Variants in PCDHA8 observed in about 807,000 individuals in gnomAD.
PCDHA8 encodes the protein protocadherin alpha-8.
In PCDHA8, 53 loss-of-function variants were observed where a neutral mutation model predicts 61.8. That is an observed-to-expected ratio of 0.86 (90% CI 0.69 to 1.08). The LOEUF (loss-of-function observed/expected upper bound fraction) is 1.08. PCDHA8 is among the 50% of genes least tolerant of loss of function. PCDHA8 has a pLI of 0.00. For synonymous variants in PCDHA8, 618 were observed against 556.6 expected, an observed-to-expected ratio of 1.11 and a Z score of -1.55; for missense variants, 1,293 against 1,245.0, an observed-to-expected ratio of 1.04 and a Z score of -0.58.
intron 1 of PCDHA8, chr5:140,850,371 C>T (rs1386017704): frequency 1.9e-6 from 3 of 1,597,910 alleles, no homozygotes; most frequent in Non-Finnish European, 2.6e-6. Flanking sequence ...CCGCGTGGGG[C>T]TGTACACGGG....
intron 1 of PCDHA8, chr5:140,850,313 G>C (rs113332257): frequency 1.3e-6 from 2 of 1,597,364 alleles, no homozygotes; most frequent in African/African-American, 1.3e-5. Context: ...ACAACGCGTG[G>C]CTTTCATACG....
intron 1 of PCDHA8, chr5:140,871,730 T>C: frequency 2.8e-6 from 2 of 714,038 alleles, no homozygotes; most frequent in Middle Eastern, 4.1e-4. Flanking sequence ...TAATATTTGG[T>C]TAGCAAATCC....
At chr5:140,967,872 A>C (rs2096192784) in intron 1 of PCDHA8, 2 of 1,614,034 alleles carry the variant, frequency 1.2e-6, no homozygotes, top group Non-Finnish European at 1.7e-6. Context: ...GTGCTCACGG[A>C]CCTGTATAGC....
At chr5:140,952,746 T>C (rs1554220596) in intron 1 of PCDHA8, among the ~76,000 whole-genome samples, 1 of 152,190 alleles carries the variant, frequency 6.6e-6, no homozygotes, top group Non-Finnish European at 1.5e-5. Context: ...CACACTGCTA[T>C]AAAAACACCT....
At chr5:140,966,233 C>T (rs1554228161) in intron 1 of PCDHA8, 1 of 287,374 alleles carries the variant, frequency 3.5e-6, no homozygotes, top group Non-Finnish European at 6.4e-6. Flanking sequence ...CCTTAAAGAC[C>T]CGTTAAGCAG....
At chr5:140,948,897 T>G (rs1487067374) in intron 1 of PCDHA8, among the ~76,000 whole-genome samples, 4 of 151,680 alleles carry the variant, frequency 2.6e-5, no homozygotes, top group Non-Finnish European at 5.9e-5. Flanking sequence ...AGATTTTAAG[T>G]GGATTCTTAG....
At chr5:140,863,749 G>C (rs1346198553) in intron 1 of PCDHA8, 1 of 245,376 alleles carries the variant, frequency 4.1e-6, no homozygotes, top group Non-Finnish European at 8.0e-6. Flanking sequence ...TTGTAATCCC[G>C]GCACTTTGGG....
At chr5:140,893,879 G>A (rs747246517) in intron 1 of PCDHA8, among the ~76,000 whole-genome samples, 26 of 152,060 alleles carry the variant, frequency 1.7e-4, no homozygotes, top group Admixed American at 4.6e-4. Flanking sequence ...GATCCAAAGT[G>A]GCCAGAAAGT....
Position 140,917,329 on chromosome 5 carries a change from G to GT in PCDHA8, c.2395-61620_2395-61619insT, listed in dbSNP as rs1563018868. On this transcript the variant is annotated intron_variant, in intron 1 of 3. Coordinates refer to ENST00000531613, the MANE Select transcript of PCDHA8 (RefSeq NM_018911.3). ...ACAATTTGGTGTTCATGTGGCGGGG[G>GT]AGGGGGGGGATGGTGTAGGCTTCTG... is the stretch of plus-strand genomic sequence containing the variant. 5.6e-5 allele frequency among the ~76,000 whole-genome samples: 8 copies of GT among 143,930 alleles called. 1 individual carries two copies. The highest frequency in any genetic ancestry group is 9.1e-5 in the Non-Finnish European group (6 of 65,842). The allele number at this position is 143,930 out of a possible 152,430, so 94.4% of individuals were successfully genotyped here.
intron 1 of PCDHA8, chr5:140,869,581 GC>G: frequency 6.2e-7 from 1 of 1,614,134 alleles, no homozygotes; most frequent in Non-Finnish European, 8.5e-7. Flanking sequence ...AGCTTCTGAT[GC>G]TGACATTGAA....
intron 3 of PCDHA8, among the ~76,000 whole-genome samples, chr5:141,001,903 A>G (rs2098043091): frequency 6.6e-6 from 1 of 152,190 alleles, no homozygotes; most frequent in African/African-American, 2.4e-5. Flanking sequence ...GGGCTGTTTG[A>G]AAAAGACTGC....
In PCDHA8 at chr5:140,843,007, GC is replaced by G; in HGVS notation, c.1688del (p.Pro563ArgfsTer29). On this transcript the variant is annotated frameshift_variant, in exon 1 of 4. Coordinates refer to ENST00000531613, the MANE Select transcript of PCDHA8 (RefSeq NM_018911.3). LOFTEE classifies it high-confidence loss of function. ...VFVLDENDNAPALLEPRVGGT... is the reference protein window; with the variant it reads ...VFVLDENDNAXALLEPRVGGT... ...TCGTGCTGGACGAGAATGACAACGC[GC>G]CGGCACTGCTGGAGCCTCGGGTGGG... 6.3e-7 allele frequency: 1 copy of G among 1,594,980 alleles called. No individual in the cohort carries two copies. The highest frequency in any genetic ancestry group is 8.6e-7 in the Non-Finnish European group (1 of 1,165,484).
chr5:141,000,399 A>C (rs77386673), intron 3 of PCDHA8, among the ~76,000 whole-genome samples: 2,158 of 66,344 alleles, frequency 0.033, 38 homozygotes, highest in Non-Finnish European at 0.044. Context: ...CTCTCTCTAT[A>C]TATATATATA....
rs930699906 is a variant in PCDHA8 at position 140,851,715 on chromosome 5, G to A, written c.2394+8000G>A. The A allele has an allele frequency of 9.3e-6, 9 of 963,892 alleles. No individual in the cohort carries two copies. In the East Asian group the frequency reaches 3.4e-4, roughly 37 times the overall value. The allele number at this position is 963,892 out of a possible 1,614,324, so 59.7% of individuals were successfully genotyped here. On this transcript the variant is annotated intron_variant, in intron 1 of 3. Transcript: ENST00000531613. Reference sequence around the variant, plus strand: ...AAAATGATCAGCCATGTGAAGATTCGAAACTTCGAGTTCTTTTGAAATTCA... The same window carrying A: ...AAAATGATCAGCCATGTGAAGATTCAAAACTTCGAGTTCTTTTGAAATTCA...
chr5:140,884,549 G>A (rs782470468), intron 1 of PCDHA8: 3 of 1,614,016 alleles, frequency 1.9e-6, no homozygotes, highest in African/African-American at 1.3e-5. Context: ...GGTGTGCTCT[G>A]GGGAGGGCCC....
chr5:140,849,984 C>T (rs2150461471), intron 1 of PCDHA8: 2 of 1,597,296 alleles, frequency 1.3e-6, no homozygotes, highest in Non-Finnish European at 1.7e-6. Flanking sequence ...GCTGGTGGAG[C>T]GGCGGTTGGG....
chr5:140,862,341 T>G, intron 1 of PCDHA8: 1 of 331,140 alleles, frequency 3.0e-6, no homozygotes, highest in Non-Finnish European at 6.0e-6. Flanking sequence ...GACCCTAACT[T>G]CAGTGCCAAG....
At chr5:140,986,696 C>G (rs2097209947) in intron 3 of PCDHA8, among the ~76,000 whole-genome samples, 2 of 152,130 alleles carry the variant, frequency 1.3e-5, no homozygotes, top group South Asian at 2.1e-4. Context: ...TCAAAACACA[C>G]AGCACTGCAG....
Position 140,848,523 on chromosome 5 carries a change from G to T in PCDHA8, c.2394+4808G>T, listed in dbSNP as rs1314273290. 2.8e-5 allele frequency: 45 copies of T among 1,593,246 alleles called. 8 individuals are homozygous for T. The highest frequency in any genetic ancestry group is 3.6e-5 in the Non-Finnish European group (42 of 1,164,214). Reference sequence around the variant, plus strand: ...GTTATACTCAAGTCGAGGAGATCCAGAGGGTCAGCCTCTACTGCTCTCGCT... The same window carrying T: ...GTTATACTCAAGTCGAGGAGATCCATAGGGTCAGCCTCTACTGCTCTCGCT... On this transcript the variant is annotated intron_variant, in intron 1 of 3. Transcript: ENST00000531613.
Sources: gnomAD v4.1 joint callset for allele counts (sites outside exome capture counted in the v4.1 genomes callset) on GRCh38, gnomAD v4.1.1 for gene constraint, MANE v1.5 for transcripts, NCBI Gene and HGNC (gene_info 2026-07-23, HGNC 2026-07-21) for gene names.